The following ERCC6 variants were observed in gnomAD, a reference collection of about 807,000 sequenced individuals.
The protein encoded by ERCC6 is DNA excision repair protein ERCC-6.
In ERCC6, 116 loss-of-function variants were observed where a neutral mutation model predicts 158.7. The observed-to-expected ratio is 0.73, with a 90% CI of 0.63 to 0.85. ERCC6 has a LOEUF of 0.85. Among genes scored for constraint, ERCC6 ranks in the 40% least tolerant of loss-of-function variants. ERCC6 has a pLI of 0.00. For synonymous variants in ERCC6, 678 were observed against 659.3 expected (o/e 1.03, Z -0.43); for missense variants, 1,698 against 1,799.4 (o/e 0.94, Z 1.02).
At chr10:49,473,889 A>G in intron 13 of ERCC6, 138 bp downstream of exon 13, 1 of 854,012 alleles carries the variant, frequency 1.2e-6, no homozygotes, top group Non-Finnish European at 1.9e-6. Flanking sequence ...TAAACTCCCA[A>G]AGAAATCGGT....
chr10:49,532,481 A>G (rs1837491326), intron 2 of ERCC6, 62 bp downstream of exon 2: 2 of 1,604,770 alleles, frequency 1.2e-6, no homozygotes, highest in Non-Finnish European at 1.7e-6. Context: ...GCTTTCCATT[A>G]CCTGAATATC....
At chr10:49,440,003 G>C in the ERCC6 span, among the ~76,000 whole-genome samples, 1 of 152,108 alleles carries the variant, frequency 6.6e-6, no homozygotes, top group Admixed American at 6.6e-5. Flanking sequence ...AGTCTCCAGG[G>C]AGTTCCAAAC....
At position 49,476,214 on chromosome 10, in the gene ERCC6, C is replaced by T. The variant is rs769480050; in HGVS notation, c.2382+1G>A. On this transcript the variant is annotated splice_donor_variant, in intron 12 of 20. Transcript: ENST00000355832. LOFTEE classifies it high-confidence loss of function. Reference sequence around the variant, plus strand: ...TCTCCAGCTTCTATTTTTTAGCTGACCTGCATCTCTCCATTGAGAATCCTG... The same window carrying T: ...TCTCCAGCTTCTATTTTTTAGCTGATCTGCATCTCTCCATTGAGAATCCTG... The T allele has an allele frequency of 6.2e-7, 1 of 1,605,628 alleles. No homozygotes were observed. The highest frequency in any genetic ancestry group is 8.5e-7 in the Non-Finnish European group (1 of 1,172,322).
intron 20 of ERCC6, among the ~76,000 whole-genome samples, chr10:49,459,712 A>G (rs1223495555): frequency 6.6e-6 from 1 of 152,152 alleles, no homozygotes; most frequent in Non-Finnish European, 1.5e-5. Context: ...CATCTAATGC[A>G]ACTTGCCTTA....
At chr10:49,438,327 T>A in the ERCC6 span, among the ~76,000 whole-genome samples, 1 of 152,242 alleles carries the variant, frequency 6.6e-6, no homozygotes, top group Non-Finnish European at 1.5e-5. Flanking sequence ...GGCCTCAGAA[T>A]CATGGTGGGA....
intron 5 of ERCC6, chr10:49,515,124 G>A: frequency 8.5e-7 from 1 of 1,176,818 alleles, no homozygotes; most frequent in Non-Finnish European, 1.1e-6. Flanking sequence ...ACCCATTTAT[G>A]TCTGAGGTTA....
intron 7 of ERCC6, among the ~76,000 whole-genome samples, chr10:49,498,327 T>C (rs1851300046): frequency 6.6e-6 from 1 of 152,158 alleles, no homozygotes; most frequent in Non-Finnish European, 1.5e-5. Flanking sequence ...ACAGGAAATA[T>C]ACATAGCCAA....
intron 8 of ERCC6, among the ~76,000 whole-genome samples, chr10:49,490,385 C>T (rs1424210339): frequency 9.9e-5 from 14 of 141,488 alleles, no homozygotes; most frequent in African/African-American, 3.2e-4. Context: ...GACAGAGTCT[C>T]GCTCTGTCGC....
intron 5 of ERCC6, among the ~76,000 whole-genome samples, chr10:49,511,988 T>C (rs745601071): frequency 6.6e-6 from 1 of 152,230 alleles, no homozygotes; most frequent in Non-Finnish European, 1.5e-5. Flanking sequence ...AAATTATGTA[T>C]GTACATTATA....
chr10:49,521,195 T>C (rs1361811007), intron 5 of ERCC6, among the ~76,000 whole-genome samples: 2 of 152,240 alleles, frequency 1.3e-5, no homozygotes, highest in African/African-American at 4.8e-5. Context: ...ACCTCGAATA[T>C]GGCAACTGGG....
intron 6 of ERCC6, chr10:49,505,610 G>A (rs1851429675): frequency 3.1e-6 from 1 of 322,960 alleles, no homozygotes; most frequent in Non-Finnish European, 5.6e-6. Flanking sequence ...CAACATAAAT[G>A]GCTTTTAAAT....
the ERCC6 span, among the ~76,000 whole-genome samples, chr10:49,442,494 CAT>C: frequency 6.6e-6 from 1 of 152,362 alleles, no homozygotes; most frequent in African/African-American, 2.4e-5. Flanking sequence ...GTTGAAACAA[CAT>C]AGAAATTCTT....
chr10:49,533,040 T>C (rs988320634), intron 1 of ERCC6, 62 bp from the exon 2 acceptor site: 8 of 1,544,000 alleles, frequency 5.2e-6, no homozygotes, highest in Non-Finnish European at 7.0e-6. Flanking sequence ...TTCTTAAATA[T>C]TTTATAATTA....
chr10:49,534,732 A>G (rs1296368790), intron 1 of ERCC6, among the ~76,000 whole-genome samples: 1 of 152,254 alleles, frequency 6.6e-6, no homozygotes, highest in Non-Finnish European at 1.5e-5. Context: ...AAGCAAAACG[A>G]TAACCAAAAA....
chr10:49,524,692 T>A lies in ERCC6; in HGVS notation c.738A>T (p.Thr246=), dbSNP rs781772425. 3.7e-6 allele frequency: 6 copies of A among 1,612,220 alleles called. No individual in the cohort carries two copies. Among genetic ancestry groups the A allele is most frequent in the Non-Finnish European group, 4.2e-6 (5 of 1,180,022 alleles). The part of the protein sequence containing the change: ...WEELIRTGQM[T]PFGTQIPQKQ... ...TCTGAGGGATCTGGGTACCAAAAGG[T>A]GTCATCTGGCCAGTGCGGATGAGCT... The change falls in exon 5 of 21, where the codon ACA becomes ACT. Residue 246 remains threonine (T), a synonymous_variant. Coordinates refer to ENST00000355832, the MANE Select transcript of ERCC6 (RefSeq NM_000124.4).
the ERCC6 span, among the ~76,000 whole-genome samples, chr10:49,445,539 TG>T: frequency 6.6e-6 from 1 of 152,232 alleles, no homozygotes; most frequent in African/African-American, 2.4e-5. Context: ...CTCTTATTTT[TG>T]TGCCAGGCAC....
intron 5 of ERCC6, among the ~76,000 whole-genome samples, chr10:49,513,856 C>T (rs1175134845): frequency 2.8e-5 from 4 of 144,052 alleles, no homozygotes; most frequent in Admixed American, 6.9e-5. Context: ...CTCTCTCTCT[C>T]TTTTTTTTTT....
At chr10:49,467,701 G>C (rs1380580938) in intron 18 of ERCC6, among the ~76,000 whole-genome samples, 1 of 151,776 alleles carries the variant, frequency 6.6e-6, no homozygotes, top group African/African-American at 2.4e-5. Flanking sequence ...AAGTAGCTGG[G>C]ACCACAGGTG....
chr10:49,525,731 G>GA (rs1182265238), intron 4 of ERCC6, among the ~76,000 whole-genome samples: 1 of 148,588 alleles, frequency 6.7e-6, no homozygotes, highest in African/African-American at 2.5e-5. Flanking sequence ...TGAATATTCA[G>GA]AAAAAATGTA....
Sources: gnomAD v4.1 joint callset for allele counts (sites outside exome capture counted in the v4.1 genomes callset) on GRCh38, gnomAD v4.1.1 for gene constraint, MANE v1.5 for transcripts, NCBI Gene and HGNC (gene_info 2026-07-23, HGNC 2026-07-21) for gene names.